Variants in RANBP3 observed in about 807,000 individuals in gnomAD.
RANBP3 encodes the protein ran-binding protein 3.
In RANBP3, 14 loss-of-function variants were observed where a neutral mutation model predicts 77.3. The observed-to-expected ratio is 0.18, with a 90% CI of 0.12 to 0.28. The LOEUF is 0.28. Among genes scored for constraint, RANBP3 ranks in the 10% least tolerant of loss-of-function variants. The probability of loss-of-function intolerance (pLI) is 1.00; values close to 1 mark genes in which losing one functional copy is unlikely to be tolerated. For missense variants in RANBP3, 586 were observed against 752.3 expected (o/e 0.78, Z 2.59); for synonymous variants, 315 against 312.4 (o/e 1.01, Z -0.09).
At chr19:5,962,317 C>T (rs1268761162) in intron 1 of RANBP3, among the ~76,000 whole-genome samples, 1 of 152,122 alleles carries the variant, frequency 6.6e-6, no homozygotes, top group Non-Finnish European at 1.5e-5. Flanking sequence ...AAGGGAGGGG[C>T]GTGTTTGCAC....
chr19:5,923,093 G>A (rs1406878187), intron 13 of RANBP3, 101 bp downstream of exon 13: 6 of 938,482 alleles, frequency 6.4e-6, no homozygotes, highest in Admixed American at 4.2e-5. Flanking sequence ...GTCATCTCAG[G>A]GGCAGGCCTG....
chr19:5,932,743 T>C (rs1267492551), intron 6 of RANBP3, 199 bp from the exon 7 acceptor site: 3 of 577,300 alleles, frequency 5.2e-6, no homozygotes, highest in African/African-American at 1.9e-5. Context: ...TGTGATTACA[T>C]GAAACTCCCA....
chr19:5,950,346 C>A (rs2058260224), intron 3 of RANBP3, among the ~76,000 whole-genome samples: 1 of 152,322 alleles, frequency 6.6e-6, no homozygotes, highest in East Asian at 1.9e-4. Context: ...ACACCCATAG[C>A]CTATGGCACA....
In RANBP3 at chr19:5,924,987, A is replaced by G; in HGVS notation, c.918-82T>C. 6 of 1,296,120 alleles carry G rather than the reference A, an allele frequency of 4.6e-6. No homozygotes were observed. In the Admixed American group the frequency reaches 5.0e-5, roughly 11 times the overall value. 80.3% of individuals were successfully genotyped at this position (1,296,120 alleles called of 1,614,324 possible). On this transcript the variant is annotated intron_variant, in intron 10 of 16. Coordinates refer to ENST00000340578, the MANE Select transcript of RANBP3 (RefSeq NM_007322.3). This position sits in a 1 kb window ranked among gnomAD's most constrained non-coding sequence, Gnocchi z 4.7. Reference sequence around the variant, plus strand: ...ATGTATGGGTACCCATGGAGCACACACTGACACAGAGGGCACAGTGGAGGG... The same window carrying G: ...ATGTATGGGTACCCATGGAGCACACGCTGACACAGAGGGCACAGTGGAGGG...
rs1165815220 is a variant in RANBP3, at chr19:5,952,769, A to ATT, written c.79-1174_79-1173insAA. Among the ~76,000 whole-genome samples the ATT allele has an allele frequency of 1.3e-5, 2 of 152,234 alleles. No homozygotes were observed. Among genetic ancestry groups the ATT allele is most frequent in the African/African-American group, 4.8e-5 (2 of 41,466 alleles). ...GAGAATGTACACAAATTCCTAGGAA[A>ATT]GCAAAAGCAATCTTCACTCAAAAGT... On this transcript the variant is annotated intron_variant, in intron 2 of 16. Transcript: ENST00000340578. The surrounding 1 kb of genome is among the most constrained non-coding windows in gnomAD (Gnocchi z 4.1).
intron 5 of RANBP3, among the ~76,000 whole-genome samples, chr19:5,934,686 T>C (rs1391307072): frequency 6.6e-6 from 1 of 151,986 alleles, no homozygotes; most frequent in Non-Finnish European, 1.5e-5. Flanking sequence ...ATTAAAAACT[T>C]AGCCAGGCAT....
intron 8 of RANBP3, among the ~76,000 whole-genome samples, chr19:5,928,621 G>A (rs1238991030): frequency 1.3e-5 from 2 of 152,054 alleles, no homozygotes; most frequent in African/African-American, 2.4e-5. Flanking sequence ...GTGTATGTGT[G>A]TTGAGGAATG....
In RANBP3 at chr19:5,917,570, G is replaced by C. The variant is rs372593926; in HGVS notation, c.*40C>G. ...GGGCGGGTGGGCGGGTGGATAGACG[G>C]ACAAAGCAGCAGCCTGGTGTGCAGC... On this transcript the variant is annotated 3_prime_UTR_variant, in exon 17 of 17. Coordinates refer to ENST00000340578, the MANE Select transcript of RANBP3 (RefSeq NM_007322.3). The C allele has an allele frequency of 4.4e-5, 68 of 1,543,080 alleles. No individual in the cohort carries two copies. The highest frequency in any genetic ancestry group is 2.9e-4 in the South Asian group (24 of 83,278).
At chr19:5,961,128 C>G (rs1390167493) in intron 1 of RANBP3, among the ~76,000 whole-genome samples, 1 of 152,210 alleles carries the variant, frequency 6.6e-6, no homozygotes, top group Non-Finnish European at 1.5e-5. Flanking sequence ...GCCAGAAGCA[C>G]TATCATGAAA....
chr19:5,954,516 G>A (rs1207101636), intron 2 of RANBP3, among the ~76,000 whole-genome samples: 6 of 152,152 alleles, frequency 3.9e-5, no homozygotes, highest in Non-Finnish European at 7.4e-5. Context: ...GGTATGAGAG[G>A]TGAGGGCAGC....
chr19:5,970,001 C>T (rs1158714829), intron 1 of RANBP3, among the ~76,000 whole-genome samples: 11 of 152,206 alleles, frequency 7.2e-5, no homozygotes, highest in Admixed American at 3.3e-4. Context: ...CAGTGGTTCT[C>T]ACCCAGGAGT....
At chr19:5,967,479 T>A (rs1462873457) in intron 1 of RANBP3, among the ~76,000 whole-genome samples, 1 of 152,078 alleles carries the variant, frequency 6.6e-6, no homozygotes, top group East Asian at 1.9e-4. Context: ...GACTCCGAGG[T>A]AGGTACTTTA....
chr19:5,937,055 C>CGAAAAAAAAAAAAAAAAAAAAAAAAAAAA (rs1568458812), intron 5 of RANBP3, among the ~76,000 whole-genome samples: 1 of 7,156 alleles, frequency 1.4e-4, no homozygotes. Context: ...GACTCTGTCT[C>CGAAAAAAAAAAAAAAAAAAAAAAAAAAAA]CAAAAAAAAA....
chr19:5,922,657 G>A (rs372062336), intron 13 of RANBP3, among the ~76,000 whole-genome samples: 9 of 152,290 alleles, frequency 5.9e-5, no homozygotes, highest in East Asian at 1.9e-4. Flanking sequence ...AAAATGTCTC[G>A]GGCTGGGCGT....
At chr19:5,932,368 T>A (rs1368226094) in intron 7 of RANBP3, 84 bp downstream of exon 7, 3 of 1,055,966 alleles carry the variant, frequency 2.8e-6, no homozygotes, top group African/African-American at 1.6e-5. Context: ...GTCACCTCTG[T>A]CGCAACACTG....
chr19:5,921,028 G>A lies in RANBP3; in HGVS notation c.1330+173C>T, dbSNP rs1183039139. 1.5e-6 allele frequency: 1 copy of A among 664,132 alleles called. No homozygotes were observed. The highest frequency in any genetic ancestry group is 1.9e-5 in the African/African-American group (1 of 53,718). 41.1% of individuals were successfully genotyped at this position (664,132 alleles called of 1,614,324 possible). On this transcript the variant is annotated intron_variant, in intron 14 of 16. Coordinates refer to ENST00000340578, the MANE Select transcript of RANBP3 (RefSeq NM_007322.3). This position sits in a 1 kb window ranked among gnomAD's most constrained non-coding sequence, Gnocchi z 5.3. ...GCCAGTGTGTGAGGGTGGTGTTGAGGGCTGGGTGCAGGGAGGGGGTTTGGG... is the reference window on the plus strand; with the variant it reads ...GCCAGTGTGTGAGGGTGGTGTTGAGAGCTGGGTGCAGGGAGGGGGTTTGGG...
intron 10 of RANBP3, 135 bp downstream of exon 10, chr19:5,925,497 TGA>T (rs541814549): frequency 4.0e-5 from 29 of 716,558 alleles, no homozygotes; most frequent in South Asian, 2.2e-4. Flanking sequence ...GAGTGGGGAA[TGA>T]GAGAGAGGGG....
intron 3 of RANBP3, among the ~76,000 whole-genome samples, chr19:5,947,344 A>T (rs2058219588): frequency 6.6e-6 from 1 of 151,738 alleles, no homozygotes; most frequent in Non-Finnish European, 1.5e-5. Context: ...AAAAGAAAAG[A>T]AAAAAGAAAG....
At chr19:5,968,471 A>G (rs1372349556) in intron 1 of RANBP3, among the ~76,000 whole-genome samples, 1 of 152,256 alleles carries the variant, frequency 6.6e-6, no homozygotes, top group Non-Finnish European at 1.5e-5. Flanking sequence ...TGGTTGGCAC[A>G]CAGGATGATT....
Sources: allele counts gnomAD v4.1 joint callset (sites outside exome capture counted in the v4.1 genomes callset), GRCh38; gene constraint gnomAD v4.1.1; non-coding constraint Gnocchi (gnomAD v3.1); transcripts MANE v1.5; gene names NCBI Gene and HGNC (gene_info 2026-07-23, HGNC 2026-07-21).